The following KMT2C variants were observed in gnomAD, a reference collection of about 807,000 sequenced individuals.
KMT2C encodes the protein lysine methyltransferase 2C.
In KMT2C, 88 loss-of-function variants were observed where a neutral mutation model predicts 507.9. That is an observed-to-expected ratio of 0.17 (90% CI 0.15 to 0.21). The LOEUF (loss-of-function observed/expected upper bound fraction) is 0.21, where lower values mean the gene tolerates loss of function less well. KMT2C is among the 10% of genes least tolerant of loss of function. The probability of loss-of-function intolerance (pLI) is 1.00; values close to 1 mark genes in which losing one functional copy is unlikely to be tolerated. For synonymous variants in KMT2C, 2,049 were observed against 2,080.8 expected (o/e 0.98, Z 0.42); for missense variants, 4,954 against 5,957.8 (o/e 0.83, Z 5.55).
At position 152,169,217 on chromosome 7, in the gene KMT2C, A is replaced by G; in HGVS notation, c.9486T>C (p.Pro3162=). 1 of 1,600,826 alleles carries G rather than the reference A, an allele frequency of 6.2e-7. No homozygotes were observed. Among genetic ancestry groups the G allele is most frequent in the South Asian group, 1.1e-5 (1 of 90,766 alleles). Residue 3162 remains proline, a synonymous_variant, in exon 41 of 59, where the codon CCT becomes CCC. Coordinates refer to ENST00000262189, the MANE Select transcript of KMT2C (RefSeq NM_170606.3). Reference sequence around the variant, plus strand: ...AGCCTGGACCAAAATTTGGAGGATTAGGCCTAGAAATCTGATGTGTTATAC... The same window carrying G: ...AGCCTGGACCAAAATTTGGAGGATTGGGCCTAGAAATCTGATGTGTTATAC... The part of the protein sequence containing the change: ...DGSITHQISR[P]NPPNFGPGFV...
chr7:152,175,191 G>A (rs1258565092), intron 38 of KMT2C, among the ~76,000 whole-genome samples: 2 of 151,124 alleles, frequency 1.3e-5, no homozygotes, highest in Non-Finnish European at 2.9e-5. Context: ...TGTCCCCCAG[G>A]CTGGAGTGCA....
chr7:152,284,053 C>A (rs2096260472), intron 6 of KMT2C, among the ~76,000 whole-genome samples: 2 of 106,770 alleles, frequency 1.9e-5, no homozygotes, highest in South Asian at 6.2e-4. Context: ...GAAATTGAAA[C>A]AAAAACAATA....
At chr7:152,153,786 T>C (rs921325540) in intron 48 of KMT2C, among the ~76,000 whole-genome samples, 1 of 143,354 alleles carries the variant, frequency 7.0e-6, no homozygotes, top group African/African-American at 2.6e-5. Flanking sequence ...AATAAGAAAA[T>C]GTGAGCTCTA....
intron 1 of KMT2C, among the ~76,000 whole-genome samples, chr7:152,374,771 C>G (rs1219745865): frequency 6.6e-6 from 1 of 151,688 alleles, no homozygotes; most frequent in African/African-American, 2.4e-5. Flanking sequence ...TGGTGGCACA[C>G]TCCTGTAATC....
At chr7:152,287,559 CACA>C (rs2096324469) in intron 6 of KMT2C, among the ~76,000 whole-genome samples, 2 of 152,162 alleles carry the variant, frequency 1.3e-5, no homozygotes, top group Admixed American at 1.3e-4. Flanking sequence ...AGCTTCATAA[CACA>C]ACACTTAAAA....
Position 152,218,973 on chromosome 7 carries a change from C to CT in KMT2C, c.3712+1549dup, listed in dbSNP as rs34359411. Reference sequence around the variant, plus strand: ...AAACACCCATCTGTACTTCCAATTCCTTTTTTTTTTTTTGGAGACAGAGTC... The same window carrying CT: ...AAACACCCATCTGTACTTCCAATTCCTTTTTTTTTTTTTTGGAGACAGAGTC... On this transcript the variant is annotated intron_variant, in intron 23 of 58. Transcript: ENST00000262189. Among the ~76,000 whole-genome samples the CT allele has an allele frequency of 3.7e-3, 540 of 144,852 alleles. 2 individuals are homozygous for CT. The highest frequency in any genetic ancestry group is 6.0e-3 in the African/African-American group (237 of 39,656).
intron 1 of KMT2C, among the ~76,000 whole-genome samples, chr7:152,377,686 G>C (rs1020587991): frequency 7.8e-5 from 11 of 141,420 alleles, no homozygotes; most frequent in African/African-American, 3.0e-4. Flanking sequence ...ACTAAACCAA[G>C]ATCGCACCAC....
At position 152,181,490 on chromosome 7, in the gene KMT2C, T is replaced by A. The variant is rs941761151; in HGVS notation, c.6370A>T (p.Arg2124Trp). 1 of 1,613,924 alleles carries A rather than the reference T, an allele frequency of 6.2e-7. No individual in the cohort carries two copies. The highest frequency in any genetic ancestry group is 1.3e-5 in the African/African-American group (1 of 74,860). The part of the protein sequence containing the change: ...RAFSQPGTIS[R>W]PTSQDPYSQP... ...GAGTATGGGTCCTGAGATGTTGGCC[T>A]TGATATGGTTCCAGGCTGGGAAAAA... Residue 2124 changes from arginine (R) to tryptophan (W), a missense_variant, in exon 36 of 59, where the codon AGG becomes TGG. By Grantham distance (101) the Arg-to-Trp change is moderately radical. Coordinates refer to ENST00000262189, the MANE Select transcript of KMT2C (RefSeq NM_170606.3).
intron 55 of KMT2C, among the ~76,000 whole-genome samples, chr7:152,142,608 A>G (rs913031417): frequency 1.6e-4 from 25 of 152,260 alleles, no homozygotes; most frequent in African/African-American, 6.0e-4. Context: ...TAGGAGTGAA[A>G]CTATTAATTC....
intron 55 of KMT2C, among the ~76,000 whole-genome samples, chr7:152,143,200 A>G (rs796727712): frequency 5.3e-5 from 8 of 152,352 alleles, no homozygotes; most frequent in African/African-American, 1.9e-4. Context: ...AGAATCCGAG[A>G]GAGGCTCAAC....
intron 22 of KMT2C, 87 bp from the exon 23 acceptor site, chr7:152,220,822 A>T (rs1248179445): frequency 2.1e-6 from 2 of 931,092 alleles, no homozygotes; most frequent in Non-Finnish European, 3.4e-6. Context: ...ATGTCAAGGG[A>T]ATGTGACTGT....
chr7:152,156,033 G>A lies in KMT2C; in HGVS notation c.11837C>T (p.Pro3946Leu). The A allele has an allele frequency of 1.2e-6, 2 of 1,602,988 alleles. No homozygotes were observed. Among genetic ancestry groups the A allele is most frequent in the South Asian group, 1.1e-5 (1 of 89,150 alleles). The change falls in exon 46 of 59, where the codon CCA becomes CTA. Residue 3946 changes from proline (P) to leucine (L), a missense_variant. Coordinates refer to ENST00000262189, the MANE Select transcript of KMT2C (RefSeq NM_170606.3). ...CTGGGGTCTGAAGGGCAGCTGAAAT[G>A]GTTTAGGTCCTAGAGTTTTGGTAAC... ...HEVTKTLGPK[P>L]FQLPFRPQDD...
chr7:152,152,268 C>A (rs1328009287), intron 49 of KMT2C, among the ~76,000 whole-genome samples: 1 of 152,120 alleles, frequency 6.6e-6, no homozygotes, highest in African/African-American at 2.4e-5. Context: ...AAGAGAAGGG[C>A]CCTATAGAGC....
At chr7:152,330,169 T>TGGGGGGGGGGGGGG (rs376494504) in intron 3 of KMT2C, among the ~76,000 whole-genome samples, 3 of 41,008 alleles carry the variant, frequency 7.3e-5, no homozygotes, top group Non-Finnish European at 8.4e-5. Flanking sequence ...GGAGGGGTGG[T>TGGGGGGGGGGGGGG]GGGGGGGGGG....
At chr7:152,291,359 C>A (rs2096424040) in intron 6 of KMT2C, among the ~76,000 whole-genome samples, 1 of 152,288 alleles carries the variant, frequency 6.6e-6, no homozygotes, top group Non-Finnish European at 1.5e-5. Flanking sequence ...ACTGCTGACA[C>A]TATTATATAA....
In KMT2C at chr7:152,135,529, T is replaced by A. The variant is rs2089807881; in HGVS notation, c.*1303A>T. ...ACATCTCCTTTTTTTTTTTAACTTT[T>A]TCAAATTTTTGTGTTAAATAGAAGG... On this transcript the variant is annotated 3_prime_UTR_variant, in exon 59 of 59. Transcript: ENST00000262189. The A allele has an allele frequency of 8.9e-6, 2 of 225,186 alleles. No homozygotes were observed. The highest frequency in any genetic ancestry group is 4.5e-5 in the African/African-American group (2 of 44,902). The allele number at this position is 225,186 out of a possible 1,614,324, so 13.9% of individuals were successfully genotyped here.
chr7:152,140,190 A>G (rs186452665), intron 55 of KMT2C, among the ~76,000 whole-genome samples: 1 of 152,346 alleles, frequency 6.6e-6, no homozygotes, highest in Non-Finnish European at 1.5e-5. Context: ...ATTCAATAAC[A>G]TAGAAATCAG....
At chr7:152,157,245 T>C (rs993709971) in intron 44 of KMT2C, among the ~76,000 whole-genome samples, 1 of 151,304 alleles carries the variant, frequency 6.6e-6, no homozygotes, top group Non-Finnish European at 1.5e-5. Flanking sequence ...CTAGAATTGC[T>C]TGAATTTGGG....
rs2093244897 is a variant in KMT2C at position 152,177,194 on chromosome 7, C to G, written c.8259G>C (p.Glu2753Asp). 6.2e-7 allele frequency: 1 copy of G among 1,613,972 alleles called. No individual in the cohort carries two copies. The highest frequency in any genetic ancestry group is 1.7e-5 in the Admixed American group (1 of 60,022). ...PNLDDLLRSG[E>D]FDIIAYTDPE... is the part of the protein sequence containing the mutation. ...GATCTGTATATGCAATGATATCAAACTCTCCTGACCTTAAGAGGTCATCCA... is the reference window on the plus strand; with the variant it reads ...GATCTGTATATGCAATGATATCAAAGTCTCCTGACCTTAAGAGGTCATCCA... Residue 2753 changes from glutamate to aspartate, a missense_variant, in exon 38 of 59, where the codon GAG becomes GAC. Physicochemically the swap from Glu to Asp is conservative, Grantham distance 45. Coordinates refer to ENST00000262189, the MANE Select transcript of KMT2C (RefSeq NM_170606.3).
Sources: allele counts gnomAD v4.1 joint callset (sites outside exome capture counted in the v4.1 genomes callset), GRCh38; gene constraint gnomAD v4.1.1; transcripts MANE v1.5; gene names NCBI Gene and HGNC (gene_info 2026-07-23, HGNC 2026-07-21).